LRRTM4: variants seen among roughly 807,000 people sequenced by gnomAD.
LRRTM4 encodes leucine rich repeat transmembrane neuronal 4, also known as leucine-rich repeat transmembrane neuronal protein 4.
A neutral mutation model predicts 47.6 loss-of-function variants in LRRTM4; 25 were observed. That is an observed-to-expected ratio of 0.53 (90% CI 0.38 to 0.73). The LOEUF (loss-of-function observed/expected upper bound fraction) is 0.73. Ranked by LOEUF, LRRTM4 falls within the 30% of genes least tolerant of loss-of-function variation. LRRTM4 has a pLI of 0.00. For missense variants in LRRTM4, 638 were observed against 713.4 expected, an observed-to-expected ratio of 0.89 and a Z score of 1.20; for synonymous variants, 311 against 269.5, an observed-to-expected ratio of 1.15 and a Z score of -1.51.
At chr2:77,197,791 T>G (rs1314276617) in intron 3 of LRRTM4, among the ~76,000 whole-genome samples, 2 of 152,196 alleles carry the variant, frequency 1.3e-5, no homozygotes, top group Non-Finnish European at 2.9e-5. Flanking sequence ...ATCATTATGA[T>G]ACAGAGTGAC....
intron 3 of LRRTM4, among the ~76,000 whole-genome samples, chr2:77,388,781 T>C (rs1197237475): frequency 6.6e-6 from 1 of 152,050 alleles, no homozygotes; most frequent in Non-Finnish European, 1.5e-5. Context: ...TTCACTGAAA[T>C]ATATATAGAG....
intron 3 of LRRTM4, among the ~76,000 whole-genome samples, chr2:76,872,605 A>G (rs1329850216): frequency 6.6e-6 from 1 of 151,936 alleles, no homozygotes; most frequent in African/African-American, 2.4e-5. Context: ...GGGGTCACAG[A>G]CATATCTTGT....
chr2:76,975,999 T>C (rs1478475906), intron 3 of LRRTM4, among the ~76,000 whole-genome samples: 1 of 151,858 alleles, frequency 6.6e-6, no homozygotes, highest in Non-Finnish European at 1.5e-5. Context: ...TTCTTGCTTC[T>C]AATTCTTTGG....
rs577851571 is a variant in LRRTM4 at position 77,295,730 on chromosome 2, C to A, written c.1551+222588G>T. On this transcript the variant is annotated intron_variant, in intron 3 of 3. Coordinates refer to ENST00000409884, the MANE Select transcript of LRRTM4 (RefSeq NM_001134745.3). ...GGCCATCTCCTCCCTTTCACGTTGA[C>A]TTTCACGTTGTCTTTCTTCTCTATT... is the stretch of plus-strand genomic sequence containing the variant. 3.9e-5 allele frequency among the ~76,000 whole-genome samples: 6 copies of A among 152,292 alleles called. 1 individual carries two copies. In the South Asian group the frequency reaches 1.2e-3, roughly 32 times the overall value.
At chr2:76,782,424 T>G (rs1251880708) in intron 3 of LRRTM4, among the ~76,000 whole-genome samples, 3 of 152,190 alleles carry the variant, frequency 2.0e-5, no homozygotes, top group Non-Finnish European at 2.9e-5. Flanking sequence ...TCCCATGATG[T>G]TATTTAAGGT....
chr2:77,077,013 A>G (rs1680359280), intron 3 of LRRTM4, among the ~76,000 whole-genome samples: 1 of 152,180 alleles, frequency 6.6e-6, no homozygotes, highest in Non-Finnish European at 1.5e-5. Flanking sequence ...CATTTCAACT[A>G]TTGTAATCCA....
intron 3 of LRRTM4, among the ~76,000 whole-genome samples, chr2:77,276,590 A>T: frequency 6.7e-6 from 1 of 148,960 alleles, no homozygotes; most frequent in East Asian, 2.0e-4. Flanking sequence ...ATTAGTGCTA[A>T]ATAAATATTT....
At chr2:77,288,056 G>A (rs1465694266) in intron 3 of LRRTM4, among the ~76,000 whole-genome samples, 1 of 151,984 alleles carries the variant, frequency 6.6e-6, no homozygotes, top group Non-Finnish European at 1.5e-5. Context: ...TGGTTAGAAA[G>A]AAAGGAACAA....
At chr2:77,498,732 C>G (rs957304741) in intron 3 of LRRTM4, among the ~76,000 whole-genome samples, 1 of 151,778 alleles carries the variant, frequency 6.6e-6, no homozygotes, top group Admixed American at 6.6e-5. Flanking sequence ...TATAGTACTA[C>G]TATTGTGGCA....
chr2:77,402,399 T>C (rs1307399829), intron 3 of LRRTM4, among the ~76,000 whole-genome samples: 1 of 151,922 alleles, frequency 6.6e-6, no homozygotes, highest in African/African-American at 2.4e-5. Context: ...TTTTCTTACC[T>C]CAGCCTTCCA....
At chr2:76,872,394 T>G (rs776470816) in intron 3 of LRRTM4, among the ~76,000 whole-genome samples, 1 of 152,052 alleles carries the variant, frequency 6.6e-6, no homozygotes, top group Non-Finnish European at 1.5e-5. Context: ...AATGGTTCTT[T>G]GAGTGCTACT....
At chr2:76,949,951 G>A (rs968299744) in intron 3 of LRRTM4, among the ~76,000 whole-genome samples, 10 of 152,026 alleles carry the variant, frequency 6.6e-5, no homozygotes, top group African/African-American at 2.2e-4. Flanking sequence ...TGCAGGAAAA[G>A]TAGAGATAAG....
At chr2:77,334,506 T>G (rs1433650767) in intron 3 of LRRTM4, among the ~76,000 whole-genome samples, 1 of 152,156 alleles carries the variant, frequency 6.6e-6, no homozygotes, top group Non-Finnish European at 1.5e-5. Context: ...AAAACAATAA[T>G]TTTCTGCACA....
chr2:76,912,524 C>T (rs2103784046), intron 3 of LRRTM4, among the ~76,000 whole-genome samples: 1 of 152,146 alleles, frequency 6.6e-6, no homozygotes, highest in East Asian at 1.9e-4. Context: ...ATGTCGAATT[C>T]CAAGATTATG....
chr2:77,417,205 C>G (rs540300078), intron 3 of LRRTM4, among the ~76,000 whole-genome samples: 2 of 152,130 alleles, frequency 1.3e-5, no homozygotes, highest in Non-Finnish European at 1.5e-5. Context: ...CCATCTCACA[C>G]CAGTTAGAAT....
chr2:77,082,625 G>T (rs769563477), intron 3 of LRRTM4, among the ~76,000 whole-genome samples: 8 of 151,952 alleles, frequency 5.3e-5, no homozygotes, highest in Non-Finnish European at 5.9e-5. Context: ...ATAAGCCAGT[G>T]CGTCAACACA....
At chr2:77,014,560 C>T (rs1677991281) in intron 3 of LRRTM4, among the ~76,000 whole-genome samples, 1 of 149,282 alleles carries the variant, frequency 6.7e-6, no homozygotes, top group South Asian at 2.2e-4. Context: ...GCCTGTAATC[C>T]CAGCACTTTG....
chr2:76,935,297 C>T (rs113661469), intron 3 of LRRTM4, among the ~76,000 whole-genome samples: 9,566 of 152,108 alleles, frequency 0.063, 1,012 homozygotes, highest in African/African-American at 0.21. Flanking sequence ...ATGCCTCCAG[C>T]TTTGTTATTT....
intron 3 of LRRTM4, among the ~76,000 whole-genome samples, chr2:77,049,085 C>G (rs1679328270): frequency 7.4e-6 from 1 of 135,352 alleles, no homozygotes; most frequent in African/African-American, 2.8e-5. Context: ...CTGTGAATGA[C>G]AGTTTGTTTT....
Sources: gnomAD v4.1 joint callset for allele counts (sites outside exome capture counted in the v4.1 genomes callset) on GRCh38, gnomAD v4.1.1 for gene constraint, MANE v1.5 for transcripts, NCBI Gene and HGNC (gene_info 2026-07-23, HGNC 2026-07-21) for gene names.